Variants in OPCML observed in about 807,000 individuals in gnomAD.
OPCML encodes the protein opioid-binding protein/cell adhesion molecule.
A neutral mutation model predicts 37.8 loss-of-function variants in OPCML; 13 were observed. The observed-to-expected ratio is 0.34, with a 90% CI of 0.22 to 0.55. The LOEUF (loss-of-function observed/expected upper bound fraction) is 0.55. Ranked by LOEUF, OPCML falls within the 20% of genes least tolerant of loss-of-function variation. OPCML has a pLI of 0.91. For synonymous variants in OPCML, 176 were observed against 168.8 expected, an observed-to-expected ratio of 1.04 and a Z score of -0.33; for missense variants, 341 against 435.6, an observed-to-expected ratio of 0.78 and a Z score of 1.93.
chr11:133,219,892 A>G (rs771322571), intron 1 of OPCML, among the ~76,000 whole-genome samples: 7 of 152,188 alleles, frequency 4.6e-5, no homozygotes, highest in Non-Finnish European at 1.0e-4. Context: ...CTGTGATTGT[A>G]AAGTATAAAA....
At chr11:132,661,755 C>G (rs1941986196) in intron 2 of OPCML, among the ~76,000 whole-genome samples, 1 of 152,206 alleles carries the variant, frequency 6.6e-6, no homozygotes, top group Non-Finnish European at 1.5e-5. Context: ...CAAGTAACCT[C>G]TAAAATTATA....
chr11:133,285,162 G>T (rs1942263088), intron 1 of OPCML, among the ~76,000 whole-genome samples: 1 of 152,170 alleles, frequency 6.6e-6, no homozygotes, highest in South Asian at 2.1e-4. Flanking sequence ...AATTAGAGGG[G>T]TGAGTCAAGC....
At chr11:133,475,416 T>A (rs1232143927) in intron 1 of OPCML, among the ~76,000 whole-genome samples, 1 of 152,178 alleles carries the variant, frequency 6.6e-6, no homozygotes, top group African/African-American at 2.4e-5. Context: ...TATCTTCTTT[T>A]GTTTTTTTAT....
intron 1 of OPCML, among the ~76,000 whole-genome samples, chr11:133,071,237 C>G (rs935765403): frequency 3.3e-5 from 5 of 152,192 alleles, no homozygotes; most frequent in Non-Finnish European, 5.9e-5. Context: ...CTCTGCTGTG[C>G]TTCAAGGAAA....
At position 132,653,456 on chromosome 11, in the gene OPCML, C is replaced by T. The variant is rs146992012; in HGVS notation, c.379+3631G>A. ...AGGCTGATTTTCCCCCCAACTAATC[C>T]GACCCCACAGCTGAGCATCCCCCTT... On this transcript the variant is annotated intron_variant, in intron 3 of 7. Coordinates refer to ENST00000524381, the MANE Select transcript of OPCML (RefSeq NM_001012393.5). Among the ~76,000 whole-genome samples the T allele has an allele frequency of 3.9e-4, 59 of 152,232 alleles. 1 individual carries two copies. The Middle Eastern group carries it at 0.017, about 44-fold the overall frequency.
intron 3 of OPCML, among the ~76,000 whole-genome samples, chr11:132,591,258 T>C (rs1343993962): frequency 1.3e-5 from 2 of 152,140 alleles, no homozygotes; most frequent in Admixed American, 1.3e-4. Context: ...TTTGGAGAAA[T>C]GCAGATCCTT....
intron 1 of OPCML, among the ~76,000 whole-genome samples, chr11:133,014,867 T>G (rs1158999734): frequency 1.3e-5 from 2 of 152,226 alleles, no homozygotes; most frequent in East Asian, 3.9e-4. Flanking sequence ...GTCCTAGTAT[T>G]GGTGCCGTAT....
At chr11:133,509,243 C>T (rs2120606550) in intron 1 of OPCML, among the ~76,000 whole-genome samples, 1 of 152,192 alleles carries the variant, frequency 6.6e-6, no homozygotes, top group South Asian at 2.1e-4. Flanking sequence ...CTGACAGGCC[C>T]CATTCTGTGA....
intron 2 of OPCML, among the ~76,000 whole-genome samples, chr11:132,940,246 C>T (rs181123136): frequency 4.5e-4 from 68 of 152,278 alleles, no homozygotes; most frequent in African/African-American, 1.5e-3. Flanking sequence ...GCCCAGGTTT[C>T]GTGACTCCTT....
At chr11:133,095,959 A>AAT (rs1336802354) in intron 1 of OPCML, among the ~76,000 whole-genome samples, 1 of 152,056 alleles carries the variant, frequency 6.6e-6, no homozygotes, top group Non-Finnish European at 1.5e-5. Context: ...AAGAAATATT[A>AAT]AAGGAAGTTA....
At chr11:133,471,812 A>G (rs1224024839) in intron 1 of OPCML, among the ~76,000 whole-genome samples, 1 of 152,238 alleles carries the variant, frequency 6.6e-6, no homozygotes, top group African/African-American at 2.4e-5. Flanking sequence ...AACTGAGGTC[A>G]GGAGTCATTG....
At chr11:133,324,901 T>C (rs1036381022) in intron 1 of OPCML, among the ~76,000 whole-genome samples, 2 of 152,162 alleles carry the variant, frequency 1.3e-5, no homozygotes, top group African/African-American at 2.4e-5. Context: ...GTATATAGTA[T>C]TATAGATATA....
chr11:133,512,190 C>G (rs1438565998), intron 1 of OPCML, among the ~76,000 whole-genome samples: 1 of 152,234 alleles, frequency 6.6e-6, no homozygotes, highest in African/African-American at 2.4e-5. Context: ...CAACCAGCAA[C>G]AAATCAGGAT....
chr11:133,325,316 G>A (rs972347413), intron 1 of OPCML, among the ~76,000 whole-genome samples: 17 of 152,124 alleles, frequency 1.1e-4, no homozygotes, highest in South Asian at 4.1e-4. Flanking sequence ...TTAGATTGCC[G>A]GATGGCATTA....
chr11:132,929,090 G>A (rs562240517), intron 2 of OPCML, among the ~76,000 whole-genome samples: 1 of 149,862 alleles, frequency 6.7e-6, no homozygotes, highest in Admixed American at 6.6e-5. Flanking sequence ...GCAGAAGAAA[G>A]AAAATAATAA....
chr11:132,713,137 T>C (rs1944333823), intron 2 of OPCML, among the ~76,000 whole-genome samples: 1 of 152,210 alleles, frequency 6.6e-6, no homozygotes, highest in African/African-American at 2.4e-5. Context: ...CCAGTTATTA[T>C]TTCAATCTCA....
At chr11:132,888,051 T>C (rs963098739) in intron 2 of OPCML, among the ~76,000 whole-genome samples, 2 of 152,086 alleles carry the variant, frequency 1.3e-5, no homozygotes, top group African/African-American at 4.8e-5. Context: ...ATGCGGCCTT[T>C]GGATGAGAGT....
intron 1 of OPCML, among the ~76,000 whole-genome samples, chr11:133,531,091 GA>G (rs1020934456): frequency 2.6e-5 from 4 of 151,990 alleles, no homozygotes; most frequent in Non-Finnish European, 5.9e-5. Context: ...CAATTTGGGG[GA>G]AAAAAAGAGA....
At chr11:133,329,010 A>G (rs1254198236) in intron 1 of OPCML, among the ~76,000 whole-genome samples, 6 of 152,320 alleles carry the variant, frequency 3.9e-5, no homozygotes, top group African/African-American at 1.2e-4. Context: ...TCAATGTACA[A>G]AAATCACAAG....
Sources: gnomAD v4.1 joint callset for allele counts (sites outside exome capture counted in the v4.1 genomes callset) on GRCh38, gnomAD v4.1.1 for gene constraint, MANE v1.5 for transcripts, NCBI Gene and HGNC (gene_info 2026-07-23, HGNC 2026-07-21) for gene names.